Variants in CYP4F22 observed in about 807,000 individuals in gnomAD.
CYP4F22 encodes the protein ultra-long-chain fatty acid omega-hydroxylase.
Under a neutral mutation model 60.4 loss-of-function variants are expected in CYP4F22, and 37 were observed. The ratio of observed to expected loss-of-function variants is 0.61; its 90% confidence interval spans 0.47 to 0.81. The LOEUF is 0.81. Among genes scored for constraint, CYP4F22 ranks in the 30% least tolerant of loss-of-function variants. CYP4F22 has a pLI of 0.00. For synonymous variants in CYP4F22, 258 were observed against 280.5 expected, an observed-to-expected ratio of 0.92 and a Z score of 0.80; for missense variants, 655 against 715.0, an observed-to-expected ratio of 0.92 and a Z score of 0.96.
chr19:15,538,923 C>T (rs771109182), intron 7 of CYP4F22, among the ~76,000 whole-genome samples: 1 of 152,114 alleles, frequency 6.6e-6, no homozygotes, highest in Non-Finnish European at 1.5e-5. Flanking sequence ...AGTAAACAAA[C>T]AAGAAAACGA....
Position 15,550,676 on chromosome 19 carries a change from G to A in CYP4F22, c.1338G>A (p.Val446=), listed in dbSNP as rs924591315. 8 of 1,614,174 alleles carry A rather than the reference G, an allele frequency of 5.0e-6. No individual in the cohort carries two copies. The highest frequency in any genetic ancestry group is 6.8e-6 in the Non-Finnish European group (8 of 1,180,014). The part of the protein sequence containing the change: ...HNPTVWPDSK[V]YNPYRFDPDN... ...ATCTCCAGGCTGTTCCTCCCTAGGT[G>A]TACAACCCCTACCGCTTTGACCCGG... Residue 446 remains valine, a splice_region_variant and synonymous_variant, in exon 13 of 14, where the codon GTG becomes GTA. Coordinates refer to ENST00000269703, the MANE Select transcript of CYP4F22 (RefSeq NM_173483.4).
intron 1 of CYP4F22, among the ~76,000 whole-genome samples, chr19:15,510,922 C>A (rs973280803): frequency 1.4e-5 from 2 of 146,830 alleles, no homozygotes; most frequent in African/African-American, 5.1e-5. Flanking sequence ...ACTTTGAGAC[C>A]AGCCTGGGGA....
At chr19:15,510,037 A>G (rs1161628290) in intron 1 of CYP4F22, among the ~76,000 whole-genome samples, 1 of 150,792 alleles carries the variant, frequency 6.6e-6, no homozygotes, top group Non-Finnish European at 1.5e-5. Flanking sequence ...GCAGGAGTGC[A>G]GTGGCATAAT....
intron 8 of CYP4F22, among the ~76,000 whole-genome samples, chr19:15,543,213 T>G (rs1971483475): frequency 6.6e-6 from 1 of 152,122 alleles, no homozygotes; most frequent in Admixed American, 6.5e-5. Flanking sequence ...CTCACCAGCA[T>G]CTCTCACTCA....
intron 7 of CYP4F22, 66 bp downstream of exon 7, chr19:15,538,059 A>T: frequency 1.9e-6 from 3 of 1,607,426 alleles, no homozygotes; most frequent in Non-Finnish European, 1.7e-6. Context: ...GGCAGGAGAA[A>T]GGGAACTCCC....
intron 1 of CYP4F22, among the ~76,000 whole-genome samples, chr19:15,511,419 A>G (rs1971091143): frequency 6.6e-6 from 1 of 152,102 alleles, no homozygotes; most frequent in African/African-American, 2.4e-5. Flanking sequence ...AGATCACACC[A>G]CTGCACTCCA....
At chr19:15,514,728 G>A (rs1971134428) in intron 1 of CYP4F22, among the ~76,000 whole-genome samples, 1 of 152,048 alleles carries the variant, frequency 6.6e-6, no homozygotes, top group Non-Finnish European at 1.5e-5. Context: ...CAGGAAGGAG[G>A]AAAATTTTAT....
chr19:15,509,753 C>T (rs1156599533), intron 1 of CYP4F22, among the ~76,000 whole-genome samples: 1 of 152,064 alleles, frequency 6.6e-6, no homozygotes. Flanking sequence ...GGTTTCTGAA[C>T]AGTAACATTA....
intron 7 of CYP4F22, among the ~76,000 whole-genome samples, chr19:15,539,881 G>A (rs1461459848): frequency 6.6e-6 from 1 of 152,158 alleles, no homozygotes. Flanking sequence ...CATTTCTCTG[G>A]TGACCAGTGC....
At chr19:15,530,423 C>T (rs1349221425) in intron 4 of CYP4F22, among the ~76,000 whole-genome samples, 1 of 152,192 alleles carries the variant, frequency 6.6e-6, no homozygotes, top group Non-Finnish European at 1.5e-5. Flanking sequence ...CCCAGACAGA[C>T]CTATTCTCAG....
intron 1 of CYP4F22, among the ~76,000 whole-genome samples, chr19:15,509,643 C>G (rs1349267107): frequency 6.6e-6 from 1 of 152,050 alleles, no homozygotes; most frequent in African/African-American, 2.4e-5. Context: ...ATACCCAGTG[C>G]CCAGTGGGAG....
chr19:15,530,301 A>G (rs150228890), intron 4 of CYP4F22, among the ~76,000 whole-genome samples: 7 of 152,292 alleles, frequency 4.6e-5, no homozygotes, highest in African/African-American at 1.7e-4. Flanking sequence ...TTCCTCGTGC[A>G]GTCCACACCT....
In CYP4F22 at chr19:15,528,232, T is replaced by C. The variant is rs543619097; in HGVS notation, c.223-1477T>C. ...CGTTGGGAGGCCAAGGCAGGAGAATTGCTTGAGCCCGGGAGTTTGAGACCA... is the reference window on the plus strand; with the variant it reads ...CGTTGGGAGGCCAAGGCAGGAGAATCGCTTGAGCCCGGGAGTTTGAGACCA... On this transcript the variant is annotated intron_variant, in intron 3 of 13. Coordinates refer to ENST00000269703, the MANE Select transcript of CYP4F22 (RefSeq NM_173483.4). 1.2e-4 allele frequency among the ~76,000 whole-genome samples: 18 copies of C among 152,222 alleles called. No homozygotes were observed. In the East Asian group the frequency reaches 3.5e-3, roughly 29 times the overall value.
At chr19:15,538,020 G>A in intron 7 of CYP4F22, 27 bp downstream of exon 7, 1 of 1,613,726 alleles carries the variant, frequency 6.2e-7, no homozygotes, top group Non-Finnish European at 8.5e-7. Context: ...TTGGGAAGAT[G>A]GAGCCAGCTG....
chr19:15,522,934 C>T (rs2144509274), intron 1 of CYP4F22, among the ~76,000 whole-genome samples: 1 of 150,158 alleles, frequency 6.7e-6, no homozygotes, highest in African/African-American at 2.4e-5. Flanking sequence ...TGGTCTTGAA[C>T]TCCTGAACTC....
chr19:15,542,614 A>G (rs1023394230), intron 8 of CYP4F22, among the ~76,000 whole-genome samples: 2 of 152,140 alleles, frequency 1.3e-5, no homozygotes, highest in African/African-American at 4.8e-5. Context: ...GTAGGTAAAC[A>G]TGTGCCATGG....
chr19:15,533,106 T>A (rs1178782601), intron 4 of CYP4F22, among the ~76,000 whole-genome samples: 1 of 152,220 alleles, frequency 6.6e-6, no homozygotes, highest in Non-Finnish European at 1.5e-5. Context: ...CAGCTCCTGT[T>A]GGAGCTTCAG....
chr19:15,538,118 T>C, intron 7 of CYP4F22, 125 bp downstream of exon 7: 1 of 1,350,492 alleles, frequency 7.4e-7, no homozygotes. Flanking sequence ...GGATGGGCCA[T>C]GTGCTTCCGG....
intron 1 of CYP4F22, among the ~76,000 whole-genome samples, chr19:15,512,979 G>A: frequency 7.1e-6 from 1 of 140,926 alleles, no homozygotes; most frequent in Admixed American, 7.3e-5. Flanking sequence ...TTTTTCCTGG[G>A]TCCTCAAAGC....
Sources: gnomAD v4.1 joint callset for allele counts (sites outside exome capture counted in the v4.1 genomes callset) on GRCh38, gnomAD v4.1.1 for gene constraint, MANE v1.5 for transcripts, NCBI Gene and HGNC (gene_info 2026-07-23, HGNC 2026-07-21) for gene names.